BCKDHB: variants seen among roughly 807,000 people sequenced by gnomAD.
BCKDHB encodes 2-oxoisovalerate dehydrogenase subunit beta, mitochondrial.
BCKDHB carries 41 observed loss-of-function variants against 48.5 expected under a neutral mutation model. The ratio of observed to expected loss-of-function variants is 0.85; its 90% CI spans 0.66 to 1.10. The LOEUF (loss-of-function observed/expected upper bound fraction) is 1.10. BCKDHB is among the 50% of genes least tolerant of loss of function. The pLI, the probability that BCKDHB is intolerant of heterozygous loss-of-function variation, is 0.00. For missense variants in BCKDHB, 496 were observed against 494.2 expected (o/e 1.00, Z -0.03); for synonymous variants, 201 against 174.8 (o/e 1.15, Z -1.18).
At chr6:80,427,623 T>C in the BCKDHB span, among the ~76,000 whole-genome samples, 11 of 152,208 alleles carry the variant, frequency 7.2e-5, no homozygotes, top group Non-Finnish European at 1.2e-4. Flanking sequence ...AATATTTCTT[T>C]TTGTGCCTGA....
intron 9 of BCKDHB, among the ~76,000 whole-genome samples, chr6:80,283,121 T>C (rs1047195219): frequency 1.3e-5 from 2 of 152,098 alleles, no homozygotes; most frequent in Non-Finnish European, 2.9e-5. Flanking sequence ...ATGTATGGCA[T>C]ATTTTGATTC....
At chr6:80,349,426 G>T (rs149628860), downstream of BCKDHB, among the ~76,000 whole-genome samples, 2 of 152,058 alleles carry the variant, frequency 1.3e-5, no homozygotes, top group African/African-American at 4.8e-5. Flanking sequence ...GGTGGGTAGT[G>T]GGGGGACAGC....
intron 3 of BCKDHB, among the ~76,000 whole-genome samples, chr6:80,137,323 G>A (rs1157038687): frequency 1.3e-5 from 2 of 152,058 alleles, no homozygotes; most frequent in South Asian, 2.1e-4. Flanking sequence ...CAGAACTTTA[G>A]TTCTATATGA....
rs145226276 is a variant in BCKDHB at position 80,224,463 on chromosome 6, G to A, written c.951+21251G>A. Among the ~76,000 whole-genome samples the A allele has an allele frequency of 5.2e-3, 787 of 151,908 alleles. 2 individuals are homozygous for A. Among genetic ancestry groups the A allele is most frequent in the African/African-American group, 0.018 (740 of 41,406 alleles). On this transcript the variant is annotated intron_variant, in intron 8 of 9. Coordinates refer to ENST00000320393, the MANE Select transcript of BCKDHB (RefSeq NM_183050.4). ...GCCGCAGTACAATGGCACAATCTCA[G>A]CTCACTGCAACCTCTGCCTCCCAGG... is the stretch of plus-strand genomic sequence containing the variant.
Position 80,302,751 on chromosome 6 carries a change from T to C in BCKDHB, c.1038+29530T>C, listed in dbSNP as rs1582535530. On this transcript the variant is annotated intron_variant, in intron 9 of 9. Coordinates refer to ENST00000320393, the MANE Select transcript of BCKDHB (RefSeq NM_183050.4). ...ATTTGTTTAGCTTTAAACCATATTC[T>C]GGATTTGTTGTTTTGTCCCATTACA... Among the ~76,000 whole-genome samples, 10 of 152,334 alleles carry C rather than the reference T, an allele frequency of 6.6e-5. 2 individuals carry two copies. Among genetic ancestry groups the C allele is most frequent in the Admixed American group, 6.5e-4 (10 of 15,298 alleles).
intron 9 of BCKDHB, among the ~76,000 whole-genome samples, chr6:80,274,980 A>G (rs1777910053): frequency 6.6e-6 from 1 of 152,060 alleles, no homozygotes; most frequent in South Asian, 2.1e-4. Context: ...TATCATAAAC[A>G]TAATATCAAA....
rs774084435 is a variant in BCKDHB, at chr6:80,127,529, T to G, written c.197-18T>G. 1.2e-6 allele frequency: 2 copies of G among 1,602,982 alleles called. No homozygotes were observed. The highest frequency in any genetic ancestry group is 2.7e-5 in the African/African-American group (2 of 74,752). On this transcript the variant is annotated intron_variant, in intron 1 of 9. Transcript: ENST00000320393. ...TATTTTACAACACACGAAATGATTT[T>G]TTTTTTGATTTTCACAGGGCAAACT... is the stretch of plus-strand genomic sequence containing the variant.
intron 1 of BCKDHB, among the ~76,000 whole-genome samples, chr6:80,111,964 T>A (rs1242403974): frequency 1.3e-5 from 2 of 152,186 alleles, no homozygotes; most frequent in African/African-American, 4.8e-5. Flanking sequence ...TCACCATACA[T>A]ACTGTGCAAT....
chr6:80,249,303 A>G (rs1420133076), intron 8 of BCKDHB, among the ~76,000 whole-genome samples: 1 of 152,110 alleles, frequency 6.6e-6, no homozygotes, highest in African/African-American at 2.4e-5. Flanking sequence ...GAGGAGCCAC[A>G]TTAACTTTTA....
chr6:80,202,125 A>T (rs557549019), intron 7 of BCKDHB, among the ~76,000 whole-genome samples: 4 of 152,062 alleles, frequency 2.6e-5, no homozygotes, highest in African/African-American at 9.6e-5. Flanking sequence ...TTTAATAGGG[A>T]GGTTAGAGTG....
the BCKDHB span, among the ~76,000 whole-genome samples, chr6:80,389,233 C>G: frequency 1.3e-5 from 2 of 150,600 alleles, no homozygotes; most frequent in South Asian, 2.1e-4. Flanking sequence ...AATGGGCCCA[C>G]GAACAAAATG....
At chr6:80,413,584 G>T in the BCKDHB span, among the ~76,000 whole-genome samples, 1 of 152,142 alleles carries the variant, frequency 6.6e-6, no homozygotes, top group Admixed American at 6.6e-5. Context: ...GTTTGCTAAG[G>T]ATAATGGCAT....
chr6:80,391,015 C>T, the BCKDHB span, among the ~76,000 whole-genome samples: 1 of 152,266 alleles, frequency 6.6e-6, no homozygotes, highest in Non-Finnish European at 1.5e-5. Context: ...CTGGATGCTT[C>T]CTGCCCTTGA....
At chr6:80,237,553 C>T (rs1033103339) in intron 8 of BCKDHB, among the ~76,000 whole-genome samples, 1 of 152,134 alleles carries the variant, frequency 6.6e-6, no homozygotes, top group Non-Finnish European at 1.5e-5. Flanking sequence ...GTGTCAGATA[C>T]CTTGTTAAGC....
intron 1 of BCKDHB, among the ~76,000 whole-genome samples, chr6:80,108,648 T>G (rs1346877888): frequency 6.6e-6 from 1 of 150,556 alleles, no homozygotes; most frequent in Non-Finnish European, 1.5e-5. Context: ...GATCACCAGG[T>G]CAAGAGATCG....
rs187254767 is a variant in BCKDHB, at chr6:80,273,565, C to T, written c.1038+344C>T. Among the ~76,000 whole-genome samples the T allele has an allele frequency of 7.4e-4, 112 of 152,048 alleles. 1 individual carries two copies. The highest frequency in any genetic ancestry group is 2.5e-3 in the African/African-American group (105 of 41,492). On this transcript the variant is annotated intron_variant, in intron 9 of 9. Coordinates refer to ENST00000320393, the MANE Select transcript of BCKDHB (RefSeq NM_183050.4). ...AAAATCTTTTTAATTTGAATCTGTTCCCATTCCCTGTTTATATGACTTGAG... is the reference window on the plus strand; with the variant it reads ...AAAATCTTTTTAATTTGAATCTGTTTCCATTCCCTGTTTATATGACTTGAG...
chr6:80,201,759 T>C (rs950031258), intron 7 of BCKDHB, among the ~76,000 whole-genome samples: 1 of 152,138 alleles, frequency 6.6e-6, no homozygotes, highest in Non-Finnish European at 1.5e-5. Flanking sequence ...ACTTTTTCTC[T>C]GGCCACGAAC....
At chr6:80,382,553 AG>A in the BCKDHB span, among the ~76,000 whole-genome samples, 1 of 152,328 alleles carries the variant, frequency 6.6e-6, no homozygotes, top group East Asian at 1.9e-4. Flanking sequence ...GCTTCAGTTC[AG>A]CATTCAACCT....
Position 80,343,748 on chromosome 6 carries a change from T to G in BCKDHB, c.1123T>G (p.Tyr375Asp). The change falls in exon 10 of 10, where the codon TAC becomes GAC. Residue 375 changes from tyrosine (Y) to aspartate (D), a missense_variant. Transcript: ENST00000320393. The part of the protein sequence containing the change: ...TPFPHIFEPF[Y>D]IPDKWKCYDA... ...ATTTCCTCACATTTTTGAACCATTCTACATCCCAGACAAATGGAAGTGTTA... is the reference window on the plus strand; with the variant it reads ...ATTTCCTCACATTTTTGAACCATTCGACATCCCAGACAAATGGAAGTGTTA... 1 of 1,614,020 alleles carries G rather than the reference T, an allele frequency of 6.2e-7. No homozygotes were observed. Among genetic ancestry groups the G allele is most frequent in the East Asian group, 2.2e-5 (1 of 44,834 alleles).
Sources: allele counts gnomAD v4.1 joint callset (sites outside exome capture counted in the v4.1 genomes callset), GRCh38; gene constraint gnomAD v4.1.1; transcripts MANE v1.5; gene names NCBI Gene and HGNC (gene_info 2026-07-23, HGNC 2026-07-21).